RBM47: variants seen among roughly 807,000 people sequenced by gnomAD.
The protein encoded by RBM47 is RNA-binding protein 47.
Under a neutral mutation model 47.1 loss-of-function variants are expected in RBM47, and 21 were observed. The ratio of observed to expected loss-of-function variants is 0.45; its 90% confidence interval spans 0.32 to 0.64. The LOEUF (loss-of-function observed/expected upper bound fraction) is 0.64, where lower values mean the gene tolerates loss of function less well. Ranked by LOEUF, RBM47 falls within the 30% of genes least tolerant of loss-of-function variation. The probability of loss-of-function intolerance (pLI) is 0.05; values close to 1 mark genes in which losing one functional copy is unlikely to be tolerated. For synonymous variants in RBM47, 375 were observed against 361.7 expected (o/e 1.04, Z -0.42); for missense variants, 708 against 870.9 (o/e 0.81, Z 2.35).
chr4:40,562,031 TA>T (rs1482614005), intron 1 of RBM47, among the ~76,000 whole-genome samples: 1 of 152,174 alleles, frequency 6.6e-6, no homozygotes, highest in African/African-American at 2.4e-5. Context: ...TTACTCATTT[TA>T]AAAAGCTATT....
chr4:40,588,895 T>G (rs1316457507), intron 1 of RBM47, among the ~76,000 whole-genome samples: 1 of 152,024 alleles, frequency 6.6e-6, no homozygotes, highest in Non-Finnish European at 1.5e-5. Flanking sequence ...TTTCAGTCCC[T>G]TTTTGTGTGC....
At position 40,423,630 on chromosome 4, in the gene RBM47, T is replaced by A. The variant is rs1714631121; in HGVS notation, c.*2274A>T. ...GAGTTTGGTGGTTGCCATGTTATCA[T>A]TTTTTTTTATTCTTTCTTTCTTTTT... On this transcript the variant is annotated 3_prime_UTR_variant, in exon 7 of 7. Transcript: ENST00000295971. 7.9e-6 allele frequency: 1 copy of A among 127,000 alleles called. No homozygotes were observed. The highest frequency in any genetic ancestry group is 3.0e-5 in the African/African-American group (1 of 33,380). The allele number at this position is 127,000 out of a possible 1,614,324, so 7.9% of individuals were successfully genotyped here. A position where few individuals can be genotyped will look rare whatever the true frequency, so the allele number is the denominator to read the frequency against.
rs576750916 is a variant in RBM47, at chr4:40,532,695, T to A, written c.-155+11727A>T. Among the ~76,000 whole-genome samples, 59 of 150,910 alleles carry A rather than the reference T, an allele frequency of 3.9e-4. 1 individual carries two copies. The South Asian group carries it at 0.012, about 30-fold the overall frequency. On this transcript the variant is annotated intron_variant, in intron 2 of 6. Coordinates refer to ENST00000295971, the MANE Select transcript of RBM47 (RefSeq NM_001098634.2). ...TTTTTTTTTTGAGACGCCTGGCCCA[T>A]ACGTCAATGTCTTAACCACTTCTTA...
intron 3 of RBM47, among the ~76,000 whole-genome samples, chr4:40,443,161 G>A (rs1487195358): frequency 6.6e-6 from 1 of 152,122 alleles, no homozygotes; most frequent in Admixed American, 6.5e-5. Flanking sequence ...CTGGAGAAAG[G>A]GAGGAGTGGG....
intron 1 of RBM47, among the ~76,000 whole-genome samples, chr4:40,588,734 T>C (rs965494785): frequency 1.3e-5 from 2 of 152,052 alleles, no homozygotes; most frequent in Non-Finnish European, 2.9e-5. Context: ...TTTCTTAGAA[T>C]GAAGACTCCA....
At chr4:40,507,625 A>G (rs1724298774) in intron 2 of RBM47, among the ~76,000 whole-genome samples, 1 of 152,142 alleles carries the variant, frequency 6.6e-6, no homozygotes, top group Non-Finnish European at 1.5e-5. Context: ...CGTCTCTACT[A>G]AAAATACAAA....
chr4:40,509,159 C>CT, intron 2 of RBM47, among the ~76,000 whole-genome samples: 1 of 87,046 alleles, frequency 1.1e-5, no homozygotes, highest in Middle Eastern at 5.6e-3. Flanking sequence ...GCCTCCATCT[C>CT]AAAATAAATA....
At chr4:40,587,156 GGCT>G (rs1396707959) in intron 1 of RBM47, among the ~76,000 whole-genome samples, 1 of 152,152 alleles carries the variant, frequency 6.6e-6, no homozygotes, top group Non-Finnish European at 1.5e-5. Context: ...TCTGAACTGG[GGCT>G]GAGGAGGAGG....
At chr4:40,436,134 T>G (rs1254754906) in intron 5 of RBM47, among the ~76,000 whole-genome samples, 1 of 148,430 alleles carries the variant, frequency 6.7e-6, no homozygotes, top group Non-Finnish European at 1.5e-5. Context: ...ATCATGCCAC[T>G]GCACTCCAGC....
At chr4:40,540,508 G>A (rs431883) in intron 2 of RBM47, among the ~76,000 whole-genome samples, 29,683 of 151,266 alleles carry the variant, frequency 0.2, 3,378 homozygotes, top group African/African-American at 0.31. Flanking sequence ...GCATGGTGGC[G>A]CATGCCTGTA....
Position 40,437,110 on chromosome 4 carries a change from T to TATATATATATATAA in RBM47, c.1124-464_1124-463insTTATATATATATAT, listed in dbSNP as rs1434102827. ...AAAAAAATATATATATATATATATATAAAATACATATATATATATATAAAA... is the reference window on the plus strand; with the variant it reads ...AAAAAAATATATATATATATATATATATATATATATATAAAAAATACATATATATATATATAAAA... On this transcript the variant is annotated intron_variant, in intron 4 of 6. Transcript: ENST00000295971. 3.5e-4 allele frequency among the ~76,000 whole-genome samples: 21 copies of TATATATATATATAA among 59,626 alleles called. 1 individual carries two copies. Among genetic ancestry groups the TATATATATATATAA allele is most frequent in the African/African-American group, 1.8e-3 (19 of 10,348 alleles). 39.1% of individuals were successfully genotyped at this position (59,626 alleles called of 152,430 possible).
chr4:40,557,305 T>C (rs1450985285), intron 1 of RBM47, among the ~76,000 whole-genome samples: 1 of 152,114 alleles, frequency 6.6e-6, no homozygotes, highest in East Asian at 1.9e-4. Context: ...TCATCGTGGG[T>C]TCTAATTAAA....
Position 40,572,250 on chromosome 4 carries a change from G to A in RBM47, c.-239-27744C>T, listed in dbSNP as rs371917622. Among the ~76,000 whole-genome samples, 243 of 151,500 alleles carry A rather than the reference G, an allele frequency of 1.6e-3. 3 individuals carry two copies. The highest frequency in any genetic ancestry group is 5.6e-3 in the African/African-American group (230 of 41,364). On this transcript the variant is annotated intron_variant, in intron 1 of 6. Transcript: ENST00000295971. ...ATACAAAAATTAGCTGGACCTCGTG[G>A]CATCCGCCTGTAATCCTTGCCACTA...
intron 2 of RBM47, among the ~76,000 whole-genome samples, chr4:40,533,384 A>C (rs1353204031): frequency 6.6e-6 from 1 of 151,136 alleles, no homozygotes; most frequent in Non-Finnish European, 1.5e-5. Flanking sequence ...CAGTGAGCTG[A>C]GACCGCACCA....
chr4:40,577,667 T>C (rs532638085), intron 1 of RBM47, among the ~76,000 whole-genome samples: 4 of 146,774 alleles, frequency 2.7e-5, no homozygotes, highest in African/African-American at 1.0e-4. Context: ...AAGTCTGGGA[T>C]AAGCTGATAG....
intron 2 of RBM47, among the ~76,000 whole-genome samples, chr4:40,523,361 C>T (rs761942964): frequency 2.6e-5 from 4 of 151,910 alleles, no homozygotes; most frequent in Non-Finnish European, 4.4e-5. Flanking sequence ...TCAAGATCAG[C>T]CATGGTAGGC....
At chr4:40,621,019 A>G (rs62808564) in intron 1 of RBM47, among the ~76,000 whole-genome samples, 2 of 148,292 alleles carry the variant, frequency 1.3e-5, no homozygotes, top group South Asian at 4.3e-4. Context: ...AAAAAAAAAA[A>G]CCCAAAATCC....
chr4:40,543,921 A>G (rs1175044830), intron 2 of RBM47: 2 of 152,258 alleles, frequency 1.3e-5, no homozygotes, highest in African/African-American at 2.4e-5. Context: ...AAGAAAAAAA[A>G]AAAAAAAACA....
Position 40,568,246 on chromosome 4 carries a change from C to T in RBM47, c.-239-23740G>A, listed in dbSNP as rs545396818. 2.2e-3 allele frequency among the ~76,000 whole-genome samples: 337 copies of T among 150,872 alleles called. 6 individuals are homozygous for T. The highest frequency in any genetic ancestry group is 3.4e-3 in the Non-Finnish European group (232 of 67,602). ...TTCGAGACCAGCCTGGGCAACATGG[C>T]GAAACCCATTCTCTACAAAAAAAAC... On this transcript the variant is annotated intron_variant, in intron 1 of 6. Transcript: ENST00000295971.
Sources: allele counts gnomAD v4.1 joint callset (sites outside exome capture counted in the v4.1 genomes callset), GRCh38; gene constraint gnomAD v4.1.1; transcripts MANE v1.5; gene names NCBI Gene and HGNC (gene_info 2026-07-23, HGNC 2026-07-21).